TMEM132B: variants seen among roughly 807,000 people sequenced by gnomAD.
TMEM132B encodes transmembrane protein 132B.
A neutral mutation model predicts 90.8 loss-of-function variants in TMEM132B; 18 were observed. That is an observed-to-expected ratio of 0.20 (90% CI 0.14 to 0.29). TMEM132B has a LOEUF of 0.29. Among genes scored for constraint, TMEM132B ranks in the 10% least tolerant of loss-of-function variants. The pLI is 1.00. For missense variants in TMEM132B, 1,096 were observed against 1,326.8 expected, an observed-to-expected ratio of 0.83 and a Z score of 2.70; for synonymous variants, 504 against 523.3, an observed-to-expected ratio of 0.96 and a Z score of 0.50.
chr12:125,331,389 G>A (rs1311583846), intron 1 of TMEM132B, among the ~76,000 whole-genome samples: 1 of 152,240 alleles, frequency 6.6e-6, no homozygotes, highest in Non-Finnish European at 1.5e-5. Flanking sequence ...TGGGGTCCAC[G>A]GCGAAGCCCT....
Position 125,213,956 on chromosome 12 carries a change from G to A in TMEM132B, c.67+27090G>A, listed in dbSNP as rs1873378136. The stretch of plus-strand genomic sequence containing the variant: ...ATTCGAATATTTATTGATGCTTTTT[G>A]TGTGCCAGGGCACATAAGTTTGGGG... On this transcript the variant is annotated intron_variant, in intron 1 of 8. Coordinates refer to ENST00000682704, the MANE Select transcript of TMEM132B (RefSeq NM_001366854.1). This position sits in a 1 kb window ranked among gnomAD's most constrained non-coding sequence, Gnocchi z 4.2. 6.6e-6 allele frequency among the ~76,000 whole-genome samples: 1 copy of A among 152,180 alleles called. No individual in the cohort carries two copies. The highest frequency in any genetic ancestry group is 6.5e-5 in the Admixed American group (1 of 15,278).
At position 125,415,827 on chromosome 12, in the gene TMEM132B, C is replaced by T; in HGVS notation, c.1106+150C>T. 2 of 1,098,602 alleles carry T rather than the reference C, an allele frequency of 1.8e-6. No homozygotes were observed. The highest frequency in any genetic ancestry group is 2.3e-5 in the South Asian group (1 of 43,074). The allele number at this position is 1,098,602 out of a possible 1,614,324, so 68.1% of individuals were successfully genotyped here. A position where few individuals can be genotyped will look rare whatever the true frequency, so the allele number is the denominator to read the frequency against. Reference sequence around the variant, plus strand: ...TGAGGTCGGCAGTCTCAAAAATCACCAGAGTTCACATTTATCACAGCGTCG... The same window carrying T: ...TGAGGTCGGCAGTCTCAAAAATCACTAGAGTTCACATTTATCACAGCGTCG... On this transcript the variant is annotated intron_variant, in intron 3 of 8. Transcript: ENST00000682704. This position sits in a 1 kb window ranked among gnomAD's most constrained non-coding sequence, Gnocchi z 5.3.
At chr12:125,604,129 A>G (rs1463310138) in intron 5 of TMEM132B, among the ~76,000 whole-genome samples, 2 of 152,250 alleles carry the variant, frequency 1.3e-5, no homozygotes, top group African/African-American at 2.4e-5. Context: ...TCATTCTACT[A>G]TAAAGACACA....
At chr12:125,278,786 C>T (rs1162018170) in intron 1 of TMEM132B, among the ~76,000 whole-genome samples, 2 of 152,148 alleles carry the variant, frequency 1.3e-5, no homozygotes, top group Admixed American at 1.3e-4. Context: ...CTTAAAAATA[C>T]AGCAGAAAAG....
At chr12:125,615,481 C>T (rs1885964351) in intron 5 of TMEM132B, among the ~76,000 whole-genome samples, 1 of 152,046 alleles carries the variant, frequency 6.6e-6, no homozygotes, top group African/African-American at 2.4e-5. Flanking sequence ...TTTCTTCTTC[C>T]ACCTCAAATC....
chr12:125,282,904 C>T (rs1875238572), intron 1 of TMEM132B, among the ~76,000 whole-genome samples: 1 of 152,246 alleles, frequency 6.6e-6, no homozygotes, highest in South Asian at 2.1e-4. Flanking sequence ...AACAACCATT[C>T]CAATGTGGTC....
At chr12:125,618,968 G>A (rs1429611168) in intron 5 of TMEM132B, among the ~76,000 whole-genome samples, 1 of 152,164 alleles carries the variant, frequency 6.6e-6, no homozygotes, top group African/African-American at 2.4e-5. Context: ...CTATAAGGAA[G>A]TAAGGCAGTT....
chr12:125,291,666 T>A (rs1339383399), intron 1 of TMEM132B, among the ~76,000 whole-genome samples: 1 of 152,214 alleles, frequency 6.6e-6, no homozygotes, highest in Non-Finnish European at 1.5e-5. Context: ...CCTCAGGGCA[T>A]GCCTTGACTT....
intron 3 of TMEM132B, among the ~76,000 whole-genome samples, chr12:125,500,693 G>T (rs750615585): frequency 6.6e-6 from 1 of 152,204 alleles, no homozygotes; most frequent in Non-Finnish European, 1.5e-5. Context: ...GGTACTATCA[G>T]GGAAGAGTAA....
chr12:125,568,695 C>G (rs1566076600), intron 4 of TMEM132B, among the ~76,000 whole-genome samples: 1 of 152,184 alleles, frequency 6.6e-6, no homozygotes, highest in African/African-American at 2.4e-5. Flanking sequence ...AATTTCAGAG[C>G]TTTTACCACT....
rs201828438 is a variant in TMEM132B at position 125,332,583 on chromosome 12, C to CTTTTTT, written c.68-16839_68-16834dup. ...CTGAGAAATTAATTCAGAGAGTTGG[C>CTTTTTT]TTTTTTTTTTTTTTTTTTTTTTTTT... On this transcript the variant is annotated intron_variant, in intron 1 of 8. Coordinates refer to ENST00000682704, the MANE Select transcript of TMEM132B (RefSeq NM_001366854.1). 1.7e-4 allele frequency among the ~76,000 whole-genome samples: 9 copies of CTTTTTT among 52,416 alleles called. 1 individual carries two copies. Among genetic ancestry groups the CTTTTTT allele is most frequent in the East Asian group, 1.3e-3 (2 of 1,536 alleles). 34.4% of individuals were successfully genotyped at this position (52,416 alleles called of 152,430 possible).
chr12:125,511,288 C>A lies in TMEM132B; in HGVS notation c.1107-8151C>A, dbSNP rs192894867. Among the ~76,000 whole-genome samples, 12 of 152,224 alleles carry A rather than the reference C, an allele frequency of 7.9e-5. No homozygotes were observed. In the East Asian group the frequency reaches 2.1e-3, roughly 27 times the overall value. On this transcript the variant is annotated intron_variant, in intron 3 of 8. Coordinates refer to ENST00000682704, the MANE Select transcript of TMEM132B (RefSeq NM_001366854.1). ...TATAGAAATACCACATTTTGTTGAT[C>A]CATTCATTGCTTGATAGAAAATTGG...
At chr12:125,645,889 C>G (rs1361460989) in intron 6 of TMEM132B, among the ~76,000 whole-genome samples, 2 of 152,130 alleles carry the variant, frequency 1.3e-5, no homozygotes, top group Admixed American at 1.3e-4. Context: ...TGTGAGCGTG[C>G]CTTTGGCATC....
intron 4 of TMEM132B, among the ~76,000 whole-genome samples, chr12:125,563,158 A>C (rs1884577089): frequency 6.8e-6 from 1 of 147,146 alleles, no homozygotes; most frequent in African/African-American, 2.5e-5. Flanking sequence ...TAATAATAAT[A>C]ATAATAATAA....
At chr12:125,313,553 C>A (rs1290249053) in intron 1 of TMEM132B, among the ~76,000 whole-genome samples, 1 of 94,884 alleles carries the variant, frequency 1.1e-5, no homozygotes, top group Non-Finnish European at 2.2e-5. Flanking sequence ...CCTCCCCTCC[C>A]GTTTCCCCCT....
At chr12:125,523,749 A>C (rs1331417147) in intron 4 of TMEM132B, among the ~76,000 whole-genome samples, 3 of 152,272 alleles carry the variant, frequency 2.0e-5, no homozygotes, top group Admixed American at 6.5e-5. Context: ...GCACCAGCTT[A>C]CAGCTTAATG....
At chr12:125,325,095 C>T (rs1876524833) in intron 1 of TMEM132B, among the ~76,000 whole-genome samples, 1 of 152,130 alleles carries the variant, frequency 6.6e-6, no homozygotes, top group African/African-American at 2.4e-5. Flanking sequence ...GGCACCAGTT[C>T]CATTGTGTTT....
intron 5 of TMEM132B, among the ~76,000 whole-genome samples, chr12:125,589,276 A>G (rs1885254264): frequency 6.6e-6 from 1 of 151,938 alleles, no homozygotes; most frequent in Non-Finnish European, 1.5e-5. Context: ...AGGTCAGGAG[A>G]TCGAGACCAT....
At chr12:125,331,339 C>T (rs888089167) in intron 1 of TMEM132B, among the ~76,000 whole-genome samples, 6 of 152,216 alleles carry the variant, frequency 3.9e-5, no homozygotes, top group African/African-American at 1.4e-4. Context: ...TCCTCCGCAC[C>T]AAGATTCCCA....
Sources: gnomAD v4.1 joint callset for allele counts (sites outside exome capture counted in the v4.1 genomes callset) on GRCh38, gnomAD v4.1.1 for gene constraint, Gnocchi (gnomAD v3.1) non-coding constraint, MANE v1.5 for transcripts, NCBI Gene and HGNC (gene_info 2026-07-23, HGNC 2026-07-21) for gene names.